CPTP: variants seen among roughly 807,000 people sequenced by gnomAD.
CPTP encodes GLTP domain-containing protein 1.
Under a neutral mutation model 5.7 loss-of-function variants are expected in CPTP, and 5 were observed. The observed-to-expected ratio is 0.88, with a 90% CI of 0.46 to 1.86. The LOEUF is 1.86. CPTP is among the 40% of genes most tolerant of loss of function. The pLI is 0.01. For synonymous variants in CPTP, 166 were observed against 142.7 expected (o/e 1.16, Z -1.16); for missense variants, 335 against 306.5 (o/e 1.09, Z -0.69).
rs1643322476 is a variant in CPTP at position 1,327,011 on chromosome 1, C to T, written c.101C>T (p.Ala34Val). Residue 34 changes from alanine to valine, a missense_variant, in exon 2 of 3, where the codon GCC (alanine) becomes GTC (valine). Transcript: ENST00000343938. Reference sequence around the variant, plus strand: ...GAGGTCTTGCTGGACCCCTACATTGCCAGCTGGAAGGGCCTGGTCAGGTGC... The same window carrying T: ...GAGGTCTTGCTGGACCCCTACATTGTCAGCTGGAAGGGCCTGGTCAGGTGC... The part of the protein sequence containing the change: ...KEEVLLDPYI[A>V]SWKGLVRFLN... The T allele has an allele frequency of 2.5e-6, 4 of 1,613,260 alleles. No individual in the cohort carries two copies. Among genetic ancestry groups the T allele is most frequent in the Non-Finnish European group, 3.4e-6 (4 of 1,179,990 alleles).
Position 1,324,846 on chromosome 1 carries a change from G to C in CPTP, c.-332G>C. ...CGGCCTAGGTGAGCGGCTCGGACTC[G>C]GCGGCCGCACCTGCCCAACCCAACC... On this transcript the variant is annotated 5_prime_UTR_variant, in exon 1 of 3. Transcript: ENST00000343938. The C allele has an allele frequency of 2.1e-6, 1 of 483,612 alleles. No homozygotes were observed. The highest frequency in any genetic ancestry group is 3.6e-6 in the Non-Finnish European group (1 of 276,518). 30.0% of individuals were successfully genotyped at this position (483,612 alleles called of 1,614,324 possible).
At position 1,327,294 on chromosome 1, in the gene CPTP, C is replaced by T; in HGVS notation, c.176C>T (p.Ser59Phe). ...TCATTCATCTCCAAGGACGTGGTCT[C>T]CAAGCTGCGGATCATGGAGCGCCTC... ...IFSFISKDVVSKLRIMERLRG... is the reference protein window; with the variant it reads ...IFSFISKDVVFKLRIMERLRG... The change falls in exon 3 of 3, where the codon TCC becomes TTC. Residue 59 changes from serine to phenylalanine, a missense_variant. Coordinates refer to ENST00000343938, the MANE Select transcript of CPTP (RefSeq NM_001029885.2). The T allele has an allele frequency of 6.3e-7, 1 of 1,598,222 alleles. No homozygotes were observed. Among genetic ancestry groups the T allele is most frequent in the Non-Finnish European group, 8.5e-7 (1 of 1,179,530 alleles).
Position 1,325,055 on chromosome 1 carries a change from C to T in CPTP, c.-123C>T, listed in dbSNP as rs1489731435. On this transcript the variant is annotated 5_prime_UTR_variant, in exon 1 of 3. Coordinates refer to ENST00000343938, the MANE Select transcript of CPTP (RefSeq NM_001029885.2). ...TGGGCCTCTCGGTGGAGCAGGGACC[C>T]GAACCGGTGCCCATCCAGTCCGGTG... 6.1e-6 allele frequency: 1 copy of T among 164,488 alleles called. No homozygotes were observed. Among genetic ancestry groups the T allele is most frequent in the Non-Finnish European group, 1.3e-5 (1 of 77,578 alleles). 10.2% of individuals were successfully genotyped at this position (164,488 alleles called of 1,614,324 possible). A position where few individuals can be genotyped will look rare whatever the true frequency, so the allele number is the denominator to read the frequency against.
intron 2 of CPTP, 86 bp from the exon 3 acceptor site, chr1:1,327,155 C>T: frequency 6.3e-7 from 1 of 1,583,226 alleles, no homozygotes; most frequent in Non-Finnish European, 8.6e-7. Flanking sequence ...TGGGTGTGAG[C>T]CCCCGCAGGC....
At position 1,327,727 on chromosome 1, in the gene CPTP, G is replaced by A. The variant is rs1643342727; in HGVS notation, c.609G>A (p.Lys203=). Residue 203 remains lysine (K), a synonymous_variant, in exon 3 of 3, where the codon AAG becomes AAA. Coordinates refer to ENST00000343938, the MANE Select transcript of CPTP (RefSeq NM_001029885.2). ...FIQRVYNVSQ[K]LYAEHSLLDL... is the part of the protein sequence containing the mutation. ...AGCGTGTCTACAACGTCTCCCAGAA[G>A]CTCTACGCCGAGCACTCCCTGCTGG... The A allele has an allele frequency of 6.2e-7, 1 of 1,612,462 alleles. No individual in the cohort carries two copies. Among genetic ancestry groups the A allele is most frequent in the African/African-American group, 1.3e-5 (1 of 74,952 alleles).
Position 1,328,774 on chromosome 1 carries a change from G to A in CPTP, c.*1011G>A, listed in dbSNP as rs559580631. 22 of 152,606 alleles carry A rather than the reference G, an allele frequency of 1.4e-4. No individual in the cohort carries two copies. Among genetic ancestry groups the A allele is most frequent in the African/African-American group, 4.6e-4 (19 of 41,584 alleles). 9.5% of individuals were successfully genotyped at this position (152,606 alleles called of 1,614,324 possible). A position where few individuals can be genotyped will look rare whatever the true frequency, so the allele number is the denominator to read the frequency against. On this transcript the variant is annotated 3_prime_UTR_variant, in exon 3 of 3. Coordinates refer to ENST00000343938, the MANE Select transcript of CPTP (RefSeq NM_001029885.2). ...TCTTCACAGTGGACCCCAGCACCTC[G>A]GGGTGGCAGAGGGACGGCCCCCACG... is the stretch of plus-strand genomic sequence containing the variant.
Position 1,324,813 on chromosome 1 carries a change from G to A in CPTP, c.-365G>A, listed in dbSNP as rs1643249080. 1 of 508,400 alleles carries A rather than the reference G, an allele frequency of 2.0e-6. No homozygotes were observed. The highest frequency in any genetic ancestry group is 3.4e-6 in the Non-Finnish European group (1 of 292,006). 31.5% of individuals were successfully genotyped at this position (508,400 alleles called of 1,614,324 possible). On this transcript the variant is annotated 5_prime_UTR_variant, in exon 1 of 3. Coordinates refer to ENST00000343938, the MANE Select transcript of CPTP (RefSeq NM_001029885.2). ...CGGTGGGCGGGGACGGGGCCCGCAC[G>A]GCGGCTACGGCCTAGGTGAGCGGCT...
At chr1:1,325,436 C>G (rs887655087) in intron 1 of CPTP, 1 of 152,192 alleles carries the variant, frequency 6.6e-6, no homozygotes, top group Admixed American at 6.5e-5. Flanking sequence ...AGGCAAGGCC[C>G]GCAGAATATC....
chr1:1,327,603 TCTG>T lies in CPTP; in HGVS notation c.487_489del (p.Cys163del). The stretch of plus-strand genomic sequence containing the variant: ...GTGCGCCGCGCCGTCACCGTGGCCT[TCTG>T]CACGCTGCCCACACGCGAGGTCTTC... On this transcript the variant is annotated inframe_deletion, in exon 3 of 3. Coordinates refer to ENST00000343938, the MANE Select transcript of CPTP (RefSeq NM_001029885.2). 3.7e-6 allele frequency: 6 copies of T among 1,611,656 alleles called. No individual in the cohort carries two copies. The highest frequency in any genetic ancestry group is 5.1e-6 in the Non-Finnish European group (6 of 1,179,546).
chr1:1,325,839 A>C (rs961984712), intron 1 of CPTP, among the ~76,000 whole-genome samples: 2 of 151,576 alleles, frequency 1.3e-5, no homozygotes, highest in Non-Finnish European at 2.9e-5. Flanking sequence ...CCCCTCCCCC[A>C]CCGATGGAGT....
At position 1,327,772 on chromosome 1, in the gene CPTP, A is replaced by C. The variant is rs752428094; in HGVS notation, c.*9A>C. 1.4e-5 allele frequency: 23 copies of C among 1,609,626 alleles called. No individual in the cohort carries two copies. The highest frequency in any genetic ancestry group is 2.2e-5 in the South Asian group (2 of 91,088). ...TGCTGGACCTGCCCTAGGGGCGGGA[A>C]GCCAGGGCCGCACCGGCTTTCCTGC... On this transcript the variant is annotated 3_prime_UTR_variant, in exon 3 of 3. Transcript: ENST00000343938.
In CPTP at chr1:1,328,277, G is replaced by A. The variant is rs1339308233; in HGVS notation, c.*514G>A. ...GCCCAGGGGACTCAGTGCCCTCCATGCCCTGGCTGGCAGAAACCCTCAACA... is the reference window on the plus strand; with the variant it reads ...GCCCAGGGGACTCAGTGCCCTCCATACCCTGGCTGGCAGAAACCCTCAACA... On this transcript the variant is annotated 3_prime_UTR_variant, in exon 3 of 3. Transcript: ENST00000343938. 5.9e-6 allele frequency: 1 copy of A among 170,580 alleles called. No individual in the cohort carries two copies. The highest frequency in any genetic ancestry group is 1.2e-5 in the Non-Finnish European group (1 of 80,970). 10.6% of individuals were successfully genotyped at this position (170,580 alleles called of 1,614,324 possible). A position where few individuals can be genotyped will look rare whatever the true frequency, so the allele number is the denominator to read the frequency against.
rs777316303 is a variant in CPTP at position 1,327,658 on chromosome 1, G to A, written c.540G>A (p.Pro180=). The change falls in exon 3 of 3, where the codon CCG becomes CCA. Residue 180 remains proline (P), a synonymous_variant. Coordinates refer to ENST00000343938, the MANE Select transcript of CPTP (RefSeq NM_001029885.2). The part of the protein sequence containing the change: ...VFLEAMNVGP[P]EQAVQMLGEA... ...TGGAGGCCATGAACGTGGGGCCCCC[G>A]GAGCAGGCCGTGCAGATGCTAGGCG... 25 of 1,612,750 alleles carry A rather than the reference G, an allele frequency of 1.6e-5. No homozygotes were observed. The highest frequency in any genetic ancestry group is 2.2e-5 in the East Asian group (1 of 44,880).
In CPTP at chr1:1,327,458, G is replaced by C; in HGVS notation, c.340G>C (p.Ala114Pro). 1 of 1,572,816 alleles carries C rather than the reference G, an allele frequency of 6.4e-7. No homozygotes were observed. The highest frequency in any genetic ancestry group is 8.6e-7 in the Non-Finnish European group (1 of 1,165,066). ...GCRTVLRLHR[A>P]LHWLQLFLEG... ...CCGGACGGTGCTGCGCCTGCACCGC[G>C]CCCTGCACTGGCTGCAGCTGTTCCT... The change falls in exon 3 of 3, where the codon GCC becomes CCC. Residue 114 changes from alanine (A) to proline (P), a missense_variant. Ala to Pro is a conservative substitution (Grantham distance 27, BLOSUM62 -1). Coordinates refer to ENST00000343938, the MANE Select transcript of CPTP (RefSeq NM_001029885.2).
At position 1,326,794 on chromosome 1, in the gene CPTP, C is replaced by T. The variant is rs904112602; in HGVS notation, c.-75-42C>T. On this transcript the variant is annotated intron_variant, in intron 1 of 2. Coordinates refer to ENST00000343938, the MANE Select transcript of CPTP (RefSeq NM_001029885.2). ...ATGAGGGGCATGAGTGTTCAGTGAG[C>T]GGCAATGGGATCGCAGCTATTTTGT... 6.9e-5 allele frequency: 93 copies of T among 1,348,394 alleles called. 1 individual carries two copies. In the South Asian group the frequency reaches 8.2e-4, roughly 12 times the overall value. 83.5% of individuals were successfully genotyped at this position (1,348,394 alleles called of 1,614,324 possible).
At chr1:1,326,320 C>G (rs1643302747) in intron 1 of CPTP, among the ~76,000 whole-genome samples, 1 of 146,126 alleles carries the variant, frequency 6.8e-6, no homozygotes, top group African/African-American at 2.5e-5. Flanking sequence ...CACCCCCGGC[C>G]CCACCTGTCT....
chr1:1,324,892 G>T lies in CPTP; in HGVS notation c.-286G>T, dbSNP rs1643253490. The T allele has an allele frequency of 2.6e-6, 1 of 390,924 alleles. No homozygotes were observed. The highest frequency in any genetic ancestry group is 4.8e-5 in the Admixed American group (1 of 20,934). 24.2% of individuals were successfully genotyped at this position (390,924 alleles called of 1,614,324 possible). ...CAACCCGCACGGTCCGGAAGTCGCC[G>T]AGGGGCCGGGAGCGGGAGGGGACGT... On this transcript the variant is annotated 5_prime_UTR_variant, in exon 1 of 3. Transcript: ENST00000343938.
rs1643250134 is a variant in CPTP at position 1,324,830 on chromosome 1, T to C, written c.-348T>C. ...GCCCGCACGGCGGCTACGGCCTAGG[T>C]GAGCGGCTCGGACTCGGCGGCCGCA... On this transcript the variant is annotated 5_prime_UTR_variant, in exon 1 of 3. Coordinates refer to ENST00000343938, the MANE Select transcript of CPTP (RefSeq NM_001029885.2). 1.0e-5 allele frequency: 5 copies of C among 495,828 alleles called. No individual in the cohort carries two copies. The highest frequency in any genetic ancestry group is 1.7e-5 in the Non-Finnish European group (5 of 286,120). 30.7% of individuals were successfully genotyped at this position (495,828 alleles called of 1,614,324 possible).
Position 1,326,886 on chromosome 1 carries a change from A to G in CPTP, c.-25A>G, listed in dbSNP as rs377591659. 3.4e-5 allele frequency: 55 copies of G among 1,613,506 alleles called. No homozygotes were observed. Among genetic ancestry groups the G allele is most frequent in the East Asian group, 2.2e-4 (10 of 44,892 alleles). On this transcript the variant is annotated 5_prime_UTR_variant, in exon 2 of 3. Transcript: ENST00000343938. ...CCCAGCGACACAGCCCCCCAGCCCT[A>G]CTGTATTTCCGTTCCTATCAAAAAA...
Sources: gnomAD v4.1 joint callset for allele counts (sites outside exome capture counted in the v4.1 genomes callset) on GRCh38, gnomAD v4.1.1 for gene constraint, MANE v1.5 for transcripts, NCBI Gene and HGNC (gene_info 2026-07-23, HGNC 2026-07-21) for gene names.